The following ABCA9 variants were observed in gnomAD, a reference collection of about 807,000 sequenced individuals.
ABCA9 encodes ATP binding cassette subfamily A member 9.
ABCA9 carries 183 observed loss-of-function variants against 205.3 expected under a neutral mutation model. That is an observed-to-expected ratio of 0.89 (90% CI 0.79 to 1.01). ABCA9 has a LOEUF of 1.01. Among genes scored for constraint, ABCA9 ranks in the 50% least tolerant of loss-of-function variants. The pLI, the probability that ABCA9 is intolerant of heterozygous loss-of-function variation, is 0.00. For synonymous variants in ABCA9, 651 were observed against 683.3 expected (o/e 0.95, Z 0.74); for missense variants, 1,805 against 1,912.4 (o/e 0.94, Z 1.05).
chr17:69,033,000 G>C (rs868016441), intron 9 of ABCA9: 47 of 152,074 alleles, frequency 3.1e-4, no homozygotes, highest in African/African-American at 1.1e-3. Flanking sequence ...TGAAGATTTT[G>C]TTTCTCTATA....
At chr17:68,984,577 A>T (rs928725051) in intron 34 of ABCA9, among the ~76,000 whole-genome samples, 5 of 152,282 alleles carry the variant, frequency 3.3e-5, no homozygotes, top group Non-Finnish European at 7.4e-5. Flanking sequence ...TTTTTCCTCC[A>T]TAGGAATTGT....
chr17:69,029,218 A>G lies in ABCA9; in HGVS notation c.1455T>C (p.Asn485=). 6.4e-7 allele frequency: 1 copy of G among 1,558,776 alleles called. No individual in the cohort carries two copies. The highest frequency in any genetic ancestry group is 1.2e-5 in the South Asian group (1 of 86,458). The change falls in exon 11 of 39, where the codon AAT becomes AAC. Residue 485 remains asparagine, a synonymous_variant. Transcript: ENST00000340001. Reference sequence around the variant, plus strand: ...ACTTCCCTGCATATTCTTTTTTAAGATTTTTGATTCTGAAAAAAAGAGGGA... The same window carrying G: ...ACTTCCCTGCATATTCTTTTTTAAGGTTTTTGATTCTGAAAAAAAGAGGGA... ...FCGKEAIRIK[N]LKKEYAGKCE...
At chr17:68,976,737 A>T (rs187466171) in intron 37 of ABCA9, among the ~76,000 whole-genome samples, 2 of 152,220 alleles carry the variant, frequency 1.3e-5, no homozygotes, top group African/African-American at 4.8e-5. Context: ...GGACCTAAGA[A>T]TGGTAACACT....
At chr17:68,996,549 G>T (rs988535223) in intron 25 of ABCA9, among the ~76,000 whole-genome samples, 1 of 152,122 alleles carries the variant, frequency 6.6e-6, no homozygotes, top group Admixed American at 6.5e-5. Flanking sequence ...GTAACTGCAG[G>T]TTAAAATTTA....
At chr17:69,046,906 TATATATAAAATTTTATATATATAG>T (rs1192232590) in intron 3 of ABCA9, among the ~76,000 whole-genome samples, 9 of 131,638 alleles carry the variant, frequency 6.8e-5, no homozygotes, top group African/African-American at 1.1e-4. Context: ...TATATATATA[TATATATAAAATTTTATATATATAG>T]AAAATTTTAT....
chr17:68,985,244 T>C, intron 32 of ABCA9, 116 bp from the exon 33 acceptor site: 1 of 1,361,722 alleles, frequency 7.3e-7, no homozygotes, highest in Non-Finnish European at 1.0e-6. Context: ...GTCAGAGTGG[T>C]CATAAAATTT....
intron 25 of ABCA9, among the ~76,000 whole-genome samples, chr17:69,006,701 C>T (rs910169806): frequency 6.6e-6 from 1 of 152,056 alleles, no homozygotes; most frequent in Non-Finnish European, 1.5e-5. Flanking sequence ...ATTGATGTAC[C>T]TGGTAGTTTT....
intron 23 of ABCA9, 196 bp downstream of exon 23, chr17:69,011,780 C>T: frequency 2.1e-6 from 1 of 466,142 alleles, no homozygotes. Flanking sequence ...TCTAAGCTGT[C>T]CTTCCTGAGG....
In ABCA9 at chr17:68,999,102, G is replaced by C. The variant is rs529378723; in HGVS notation, c.3436-3088C>G. 7.9e-5 allele frequency among the ~76,000 whole-genome samples: 12 copies of C among 151,342 alleles called. No individual in the cohort carries two copies. In the East Asian group the frequency reaches 2.3e-3, roughly 29 times the overall value. On this transcript the variant is annotated intron_variant, in intron 25 of 38. Coordinates refer to ENST00000340001, the MANE Select transcript of ABCA9 (RefSeq NM_080283.4). The stretch of plus-strand genomic sequence containing the variant: ...ATTTCTGAACAGGCTTTCTTTCTTG[G>C]CTGATATTGGTTTATCTTTTTATTA...
At chr17:69,011,937 T>C in intron 23 of ABCA9, 39 bp downstream of exon 23, 2 of 1,456,536 alleles carry the variant, frequency 1.4e-6, no homozygotes, top group Non-Finnish European at 1.9e-6. Flanking sequence ...AAGGGTTCTC[T>C]AGATATAAAA....
At chr17:69,024,482 A>G (rs1203381227) in intron 16 of ABCA9, 129 bp from the exon 17 acceptor site, 2 of 866,108 alleles carry the variant, frequency 2.3e-6, no homozygotes, top group Non-Finnish European at 3.4e-6. Context: ...TTTACTGGAC[A>G]AAGTAAGATG....
chr17:69,016,121 TATAC>T (rs74469435), intron 22 of ABCA9, 128 bp downstream of exon 22: 93,609 of 234,170 alleles, frequency 0.4, 16,007 homozygotes, highest in Non-Finnish European at 0.48. Flanking sequence ...TATATATATA[TATAC>T]ACACACACAC....
intron 16 of ABCA9, among the ~76,000 whole-genome samples, chr17:69,025,362 A>G (rs1401912004): frequency 1.3e-5 from 2 of 152,206 alleles, no homozygotes; most frequent in Non-Finnish European, 2.9e-5. Flanking sequence ...CGTTCCAGAA[A>G]AGAGGATACT....
intron 1 of ABCA9, chr17:69,051,586 C>T (rs941366342): frequency 6.0e-6 from 1 of 166,094 alleles, no homozygotes; most frequent in African/African-American, 2.4e-5. Context: ...GAGATTCTCA[C>T]ATGGGGTCAT....
At chr17:68,993,946 G>T (rs2069535672) in intron 26 of ABCA9, among the ~76,000 whole-genome samples, 1 of 152,074 alleles carries the variant, frequency 6.6e-6, no homozygotes, top group East Asian at 1.9e-4. Flanking sequence ...CATGATCTTG[G>T]CTCACTACAA....
intron 2 of ABCA9, among the ~76,000 whole-genome samples, chr17:69,050,705 C>T (rs1307605454): frequency 2.0e-5 from 3 of 151,984 alleles, no homozygotes; most frequent in African/African-American, 2.4e-5. Context: ...TATACAAATG[C>T]GTTCATGAGA....
intron 15 of ABCA9, 145 bp from the exon 16 acceptor site, chr17:69,026,612 T>C (rs559885254): frequency 2.8e-6 from 2 of 712,030 alleles, no homozygotes; most frequent in Admixed American, 5.5e-5. Flanking sequence ...TAAACCACTT[T>C]TTTTTGTCAT....
the ABCA9 span, among the ~76,000 whole-genome samples, chr17:69,075,066 T>C: frequency 6.6e-6 from 1 of 152,210 alleles, no homozygotes; most frequent in Non-Finnish European, 1.5e-5. Context: ...TGTCTGTTCA[T>C]GTTTTTTGAC....
intron 1 of ABCA9, among the ~76,000 whole-genome samples, chr17:69,052,468 G>A (rs1309917326): frequency 6.6e-6 from 1 of 152,136 alleles, no homozygotes; most frequent in Non-Finnish European, 1.5e-5. Flanking sequence ...CTCAGATGTG[G>A]CAGAAATGTT....
Sources: gnomAD v4.1 joint callset for allele counts (sites outside exome capture counted in the v4.1 genomes callset) on GRCh38, gnomAD v4.1.1 for gene constraint, MANE v1.5 for transcripts, NCBI Gene and HGNC (gene_info 2026-07-23, HGNC 2026-07-21) for gene names.